Variants in FGFRL1 observed in about 807,000 individuals in gnomAD.
The protein encoded by FGFRL1 is fibroblast growth factor receptor-like 1.
A neutral mutation model predicts 36.8 loss-of-function variants in FGFRL1; 24 were observed. The observed-to-expected ratio is 0.65, with a 90% confidence interval of 0.47 to 0.92. The LOEUF (loss-of-function observed/expected upper bound fraction) is 0.92, where lower values mean the gene tolerates loss of function less well. Among genes scored for constraint, FGFRL1 ranks in the 40% least tolerant of loss-of-function variants. FGFRL1 has a pLI of 0.00. For missense variants in FGFRL1, 785 were observed against 753.4 expected (o/e 1.04, Z -0.49); for synonymous variants, 422 against 344.1 (o/e 1.23, Z -2.50).
intron 2 of FGFRL1, among the ~76,000 whole-genome samples, chr4:1,018,219 C>T (rs892793744): frequency 3.3e-5 from 5 of 152,252 alleles, no homozygotes; most frequent in South Asian, 2.1e-4. Flanking sequence ...TCCCTGGGCC[C>T]TGGGAAAGAG....
In FGFRL1 at chr4:1,025,081, C is replaced by A. The variant is rs201377348; in HGVS notation, c.1249C>A (p.His417Asn). The A allele has an allele frequency of 6.2e-7, 1 of 1,609,748 alleles. No individual in the cohort carries two copies. The highest frequency in any genetic ancestry group is 1.7e-5 in the Admixed American group (1 of 59,824). Residue 417 changes from histidine to asparagine, a missense_variant, in exon 7 of 7, where the codon CAC becomes AAC. Transcript: ENST00000510644. ...TPAPAPPLPG[H>N]RPPGTARDRS... Reference sequence around the variant, plus strand: ...CGCGCCTGCCCCTCCCCTGCCTGGGCACCGCCCGCCGGGGACGGCCCGCGA... The same window carrying A: ...CGCGCCTGCCCCTCCCCTGCCTGGGAACCGCCCGCCGGGGACGGCCCGCGA...
chr4:1,019,296 C>A (rs1272349499), intron 2 of FGFRL1, among the ~76,000 whole-genome samples: 1 of 152,242 alleles, frequency 6.6e-6, no homozygotes, highest in Non-Finnish European at 1.5e-5. Context: ...CAGGCACTCG[C>A]TCTCTTGCTT....
At position 1,023,595 on chromosome 4, in the gene FGFRL1, G is replaced by A. The variant is rs1243645104; in HGVS notation, c.353-46G>A. The A allele has an allele frequency of 6.5e-7, 1 of 1,536,368 alleles. No homozygotes were observed. The highest frequency in any genetic ancestry group is 1.9e-5 in the Admixed American group (1 of 51,294). On this transcript the variant is annotated intron_variant, in intron 3 of 6. Transcript: ENST00000510644. This position sits in a 1 kb window ranked among gnomAD's most constrained non-coding sequence, Gnocchi z 6.0. The stretch of plus-strand genomic sequence containing the variant: ...ACGGGGGAGTTGGGGGAGCTCCTCA[G>A]GGCCCCCCTCACCTGCCCTCCCTGT...
intron 2 of FGFRL1, among the ~76,000 whole-genome samples, chr4:1,014,969 G>C (rs1048055329): frequency 2.0e-5 from 3 of 152,224 alleles, no homozygotes; most frequent in African/African-American, 7.2e-5. Context: ...ATGGGCCTCC[G>C]GGCTCCCTTT....
intron 2 of FGFRL1, among the ~76,000 whole-genome samples, chr4:1,018,513 G>A (rs1716012253): frequency 6.6e-6 from 1 of 152,182 alleles, no homozygotes; most frequent in East Asian, 1.9e-4. Flanking sequence ...TGCCTGTGCT[G>A]GGGGCCTCTC....
At position 1,017,238 on chromosome 4, in the gene FGFRL1, G is replaced by A. The variant is rs1414021700; in HGVS notation, c.79+4674G>A. ...CCAGCTGGAAACTTTGGGCCATGCA[G>A]GGCCCCCCAGTTCGCAGGCATCCTC... On this transcript the variant is annotated intron_variant, in intron 2 of 6. Transcript: ENST00000510644. 2.0e-5 allele frequency among the ~76,000 whole-genome samples: 3 copies of A among 152,164 alleles called. No homozygotes were observed. In the East Asian group the frequency reaches 5.8e-4, roughly 29 times the overall value.
In FGFRL1 at chr4:1,023,620, T is replaced by C; in HGVS notation, c.353-21T>C. 1 of 1,584,214 alleles carries C rather than the reference T, an allele frequency of 6.3e-7. No homozygotes were observed. The highest frequency in any genetic ancestry group is 8.6e-7 in the Non-Finnish European group (1 of 1,167,070). ...GGGCCCCCCTCACCTGCCCTCCCTGTGCACCTCCGTCTCTCTGCAGATGAC... is the reference window on the plus strand; with the variant it reads ...GGGCCCCCCTCACCTGCCCTCCCTGCGCACCTCCGTCTCTCTGCAGATGAC... On this transcript the variant is annotated intron_variant, in intron 3 of 6. Coordinates refer to ENST00000510644, the MANE Select transcript of FGFRL1 (RefSeq NM_001004356.3). The surrounding 1 kb of genome is among the most constrained non-coding windows in gnomAD (Gnocchi z 6.0).
At position 1,016,168 on chromosome 4, in the gene FGFRL1, G is replaced by T. The variant is rs146166811; in HGVS notation, c.79+3604G>T. 3.4e-4 allele frequency among the ~76,000 whole-genome samples: 52 copies of T among 152,338 alleles called. 1 individual carries two copies. Among genetic ancestry groups the T allele is most frequent in the Admixed American group, 1.2e-3 (19 of 15,310 alleles). On this transcript the variant is annotated intron_variant, in intron 2 of 6. Coordinates refer to ENST00000510644, the MANE Select transcript of FGFRL1 (RefSeq NM_001004356.3). The stretch of plus-strand genomic sequence containing the variant: ...CCCCACCTGGGGGCCAAGAGCCCTG[G>T]CAGGGGACAGAGCATCAGCTCACCC...
At chr4:1,022,572 A>G (rs1716255797) in intron 3 of FGFRL1, 97 bp downstream of exon 3, 9 of 1,433,016 alleles carry the variant, frequency 6.3e-6, no homozygotes, top group Admixed American at 2.5e-5. Context: ...CCCGAGAGTC[A>G]GCCAGCCCCC....
chr4:1,014,009 G>A (rs1192428399), intron 2 of FGFRL1, among the ~76,000 whole-genome samples: 1 of 152,264 alleles, frequency 6.6e-6, no homozygotes, highest in Non-Finnish European at 1.5e-5. Context: ...AGGTGGGGAG[G>A]AGGTTCTTCC....
chr4:1,024,438 G>A lies in FGFRL1; in HGVS notation c.846G>A (p.Lys282=), dbSNP rs1716385794. The A allele has an allele frequency of 6.2e-7, 1 of 1,612,600 alleles. No individual in the cohort carries two copies. The highest frequency in any genetic ancestry group is 8.5e-7 in the Non-Finnish European group (1 of 1,179,868). ...TGAAGCCGGTGATCCAGTGGCTGAA[G>A]CGCGTGGAGTACGGCGCCGAGGGCC... The part of the protein sequence containing the change: ...SDVKPVIQWL[K]RVEYGAEGRH... Residue 282 remains lysine (K), a synonymous_variant, in exon 6 of 7, where the codon AAG becomes AAA. Coordinates refer to ENST00000510644, the MANE Select transcript of FGFRL1 (RefSeq NM_001004356.3).
In FGFRL1 at chr4:1,023,824, G is replaced by T; in HGVS notation, c.441G>T (p.Pro147=). The part of the protein sequence containing the change: ...EDPASQQWAR[P]RFTQPSKMRR... ...CGCCACCCCACCCCGCAGCACGACC[G>T]CGCTTCACACAGCCCTCCAAGATGA... Residue 147 remains proline (P), a synonymous_variant, in exon 5 of 7, where the codon CCG becomes CCT. Coordinates refer to ENST00000510644, the MANE Select transcript of FGFRL1 (RefSeq NM_001004356.3). This position sits in a 1 kb window ranked among gnomAD's most constrained non-coding sequence, Gnocchi z 6.0. 1 of 1,579,658 alleles carries T rather than the reference G, an allele frequency of 6.3e-7. No homozygotes were observed.
rs868254698 is a variant in FGFRL1 at position 1,022,714 on chromosome 4, G to A, written c.352+239G>A. Among the ~76,000 whole-genome samples the A allele has an allele frequency of 1.1e-4, 16 of 152,250 alleles. 1 individual carries two copies. The highest frequency in any genetic ancestry group is 5.9e-5 in the Non-Finnish European group (4 of 68,046). Reference sequence around the variant, plus strand: ...CGGAGCCTTCCTCCCAGCGGAGGGCGGAGGGTGGAGGGCGGGAGCCGAAGG... The same window carrying A: ...CGGAGCCTTCCTCCCAGCGGAGGGCAGAGGGTGGAGGGCGGGAGCCGAAGG... On this transcript the variant is annotated intron_variant, in intron 3 of 6. Coordinates refer to ENST00000510644, the MANE Select transcript of FGFRL1 (RefSeq NM_001004356.3).
chr4:1,013,244 G>T (rs1219190545), intron 2 of FGFRL1, among the ~76,000 whole-genome samples: 1 of 152,238 alleles, frequency 6.6e-6, no homozygotes, highest in Non-Finnish European at 1.5e-5. Flanking sequence ...CCCCAGCAAG[G>T]ACATCCGGAG....
In FGFRL1 at chr4:1,024,643, G is replaced by T; in HGVS notation, c.1051G>T (p.Ala351Ser). 2 of 1,604,534 alleles carry T rather than the reference G, an allele frequency of 1.2e-6. No homozygotes were observed. Among genetic ancestry groups the T allele is most frequent in the Non-Finnish European group, 8.5e-7 (1 of 1,174,286 alleles). ...CACCATGGGCTACAGCTTCCGCAGC[G>T]CCTTCCTCACCGTGCTGCCAGGTGC... ...ANTMGYSFRS[A>S]FLTVLPDPKP... Residue 351 changes from alanine (A) to serine (S), a missense_variant, in exon 6 of 7, where the codon GCC becomes TCC. Physicochemically the swap from Ala to Ser is moderately conservative, Grantham distance 99 (BLOSUM62 1). Coordinates refer to ENST00000510644, the MANE Select transcript of FGFRL1 (RefSeq NM_001004356.3).
intron 2 of FGFRL1, among the ~76,000 whole-genome samples, chr4:1,016,827 G>A (rs545160574): frequency 6.6e-6 from 1 of 152,292 alleles, no homozygotes; most frequent in South Asian, 2.1e-4. Context: ...GCGGTCACCT[G>A]TTCTCTGGCT....
In FGFRL1 at chr4:1,022,356, G is replaced by A. The variant is rs763867368; in HGVS notation, c.233G>A (p.Arg78His). Residue 78 changes from arginine (R) to histidine (H), a missense_variant, in exon 3 of 7, where the codon CGC becomes CAC. By Grantham distance (29) the Arg-to-His change is conservative. Coordinates refer to ENST00000510644, the MANE Select transcript of FGFRL1 (RefSeq NM_001004356.3). ...ATCCACAGCGGCTGGAGCCGCTTCC[G>A]CGTGCTGCCGCAGGGGCTGAAGGTG... The part of the protein sequence containing the change: ...RTIHSGWSRF[R>H]VLPQGLKVKQ... 5.6e-6 allele frequency: 9 copies of A among 1,608,116 alleles called. No homozygotes were observed. The highest frequency in any genetic ancestry group is 2.2e-5 in the South Asian group (2 of 90,590).
In FGFRL1 at chr4:1,026,381, A is replaced by G. The variant is rs932848574; in HGVS notation, c.*1034A>G. 1 of 151,692 alleles carries G rather than the reference A, an allele frequency of 6.6e-6. No homozygotes were observed. The highest frequency in any genetic ancestry group is 2.5e-5 in the African/African-American group (1 of 40,720). The allele number at this position is 151,692 out of a possible 1,614,324, so 9.4% of individuals were successfully genotyped here. Reference sequence around the variant, plus strand: ...ACGTGTGCCGTGAGGCTCATAGTTGATGAGGGACTTTCCCTGCTCCACCGT... The same window carrying G: ...ACGTGTGCCGTGAGGCTCATAGTTGGTGAGGGACTTTCCCTGCTCCACCGT... On this transcript the variant is annotated 3_prime_UTR_variant, in exon 7 of 7. Transcript: ENST00000510644.
chr4:1,014,576 T>TC (rs138576541), intron 2 of FGFRL1, among the ~76,000 whole-genome samples: 2,230 of 152,266 alleles, frequency 0.015, 50 homozygotes, highest in African/African-American at 0.048. Context: ...GCCCCATGCC[T>TC]GGGGGGTAGC....
Sources: gnomAD v4.1 joint callset for allele counts (sites outside exome capture counted in the v4.1 genomes callset) on GRCh38, gnomAD v4.1.1 for gene constraint, Gnocchi (gnomAD v3.1) non-coding constraint, MANE v1.5 for transcripts, NCBI Gene and HGNC (gene_info 2026-07-23, HGNC 2026-07-21) for gene names.